Variants in GALNT17 observed in about 807,000 individuals in gnomAD.
GALNT17 encodes the protein polypeptide N-acetylgalactosaminyltransferase 17, also known as UDP-GalNAc:polypeptide N-acetylgalactosaminyltransferase-like 3.
GALNT17 carries 29 observed loss-of-function variants against 63.7 expected under a neutral mutation model. The ratio of observed to expected loss-of-function variants is 0.46; its 90% CI spans 0.34 to 0.62. The LOEUF (loss-of-function observed/expected upper bound fraction) is 0.62, where lower values mean the gene tolerates loss of function less well. Ranked by LOEUF, GALNT17 falls within the 20% of genes least tolerant of loss-of-function variation. The probability of loss-of-function intolerance (pLI) is 0.01; values close to 1 mark genes in which losing one functional copy is unlikely to be tolerated. For synonymous variants in GALNT17, 305 were observed against 318.3 expected (o/e 0.96, Z 0.45); for missense variants, 603 against 799.6 (o/e 0.75, Z 2.97).
At chr7:71,413,629 C>A (rs1041707425) in intron 3 of GALNT17, among the ~76,000 whole-genome samples, 1 of 151,964 alleles carries the variant, frequency 6.6e-6, no homozygotes, top group Non-Finnish European at 1.5e-5. Flanking sequence ...CTGCCTTGGC[C>A]TCCCAAAGTG....
At chr7:71,272,443 G>A (rs1790610775) in intron 1 of GALNT17, among the ~76,000 whole-genome samples, 1 of 152,186 alleles carries the variant, frequency 6.6e-6, no homozygotes, top group African/African-American at 2.4e-5. Context: ...CATTCTCACA[G>A]CTATGTATCA....
chr7:71,235,926 T>C (rs1289164767), intron 1 of GALNT17, among the ~76,000 whole-genome samples: 7 of 152,198 alleles, frequency 4.6e-5, no homozygotes, highest in South Asian at 2.1e-4. Flanking sequence ...ACGCCTTTAA[T>C]CCCAGCACTT....
At position 71,300,005 on chromosome 7, in the gene GALNT17, T is replaced by A. The variant is rs560767823; in HGVS notation, c.239-35545T>A. 8.5e-5 allele frequency among the ~76,000 whole-genome samples: 13 copies of A among 152,238 alleles called. No homozygotes were observed. The East Asian group carries it at 1.6e-3, about 18-fold the overall frequency. ...GTTGGCCAGGCTGGTCTCGAAATCC[T>A]GACCTCAGGTGATCCACCCACCTTG... is the stretch of plus-strand genomic sequence containing the variant. On this transcript the variant is annotated intron_variant, in intron 1 of 10. Transcript: ENST00000333538.
intron 5 of GALNT17, among the ~76,000 whole-genome samples, chr7:71,526,782 G>A (rs918375447): frequency 6.6e-6 from 1 of 152,118 alleles, no homozygotes; most frequent in African/African-American, 2.4e-5. Context: ...CTGAAGTGTT[G>A]TGATTACAGA....
At chr7:71,637,970 G>T (rs904021636) in intron 6 of GALNT17, among the ~76,000 whole-genome samples, 2 of 152,198 alleles carry the variant, frequency 1.3e-5, no homozygotes, top group Non-Finnish European at 2.9e-5. Flanking sequence ...AAGGCTGCTG[G>T]TTGCCCATGT....
intron 1 of GALNT17, among the ~76,000 whole-genome samples, chr7:71,324,759 G>A (rs983045192): frequency 1.3e-5 from 2 of 151,532 alleles, no homozygotes; most frequent in African/African-American, 4.8e-5. Context: ...ATGCGTGCGT[G>A]TATATATATA....
At chr7:71,285,003 T>C (rs1380323833) in intron 1 of GALNT17, among the ~76,000 whole-genome samples, 1 of 152,130 alleles carries the variant, frequency 6.6e-6, no homozygotes, top group Non-Finnish European at 1.5e-5. Context: ...TTTGGCTCCT[T>C]CTTTAAGAAA....
rs149657905 is a variant in GALNT17, at chr7:71,525,191, C to G, written c.963-46094C>G. 7.6e-3 allele frequency among the ~76,000 whole-genome samples: 1,156 copies of G among 151,894 alleles called. 39 individuals carry two copies. The highest frequency in any genetic ancestry group is 0.059 in the Admixed American group (901 of 15,212). On this transcript the variant is annotated intron_variant, in intron 5 of 10. Transcript: ENST00000333538. ...GTGTGTTTTGTTTGTTTGTTTGTTT[C>G]GAGATGGAGTCTCGTTTTGTCTCCC...
At chr7:71,498,383 AGGAGAATCACTTGAGCCTGGT>A (rs1301032645) in intron 5 of GALNT17, among the ~76,000 whole-genome samples, 1 of 152,076 alleles carries the variant, frequency 6.6e-6, no homozygotes, top group Non-Finnish European at 1.5e-5. Context: ...AGGCTGAGGT[AGGAGAATCACTTGAGCCTGGT>A]GGAGGTTGCA....
chr7:71,455,431 T>G (rs1050035938), intron 5 of GALNT17, among the ~76,000 whole-genome samples: 3 of 152,072 alleles, frequency 2.0e-5, no homozygotes, highest in African/African-American at 7.2e-5. Context: ...GTCCAGTCAG[T>G]CAGTTGAGGG....
chr7:71,421,013 C>G lies in GALNT17; in HGVS notation c.870C>G (p.Asn290Lys). The G allele has an allele frequency of 6.2e-7, 1 of 1,614,186 alleles. No homozygotes were observed. Among genetic ancestry groups the G allele is most frequent in the Non-Finnish European group, 8.5e-7 (1 of 1,180,038 alleles). ...ACTTTGAGGTGCAGCGGTACGAGAA[C>G]TCGGCCCACGGGTACAGCTGGGAGC... Reference protein sequence around the residue: ...QDNFEVQRYENSAHGYSWELW... With the variant: ...QDNFEVQRYEKSAHGYSWELW... Residue 290 changes from asparagine (N) to lysine (K), a missense_variant, in exon 5 of 11, where the codon AAC becomes AAG. Physicochemically the swap from Asn to Lys is moderately conservative, Grantham distance 94. Coordinates refer to ENST00000333538, the MANE Select transcript of GALNT17 (RefSeq NM_022479.3).
intron 6 of GALNT17, among the ~76,000 whole-genome samples, chr7:71,628,650 G>A (rs774090569): frequency 5.3e-5 from 8 of 152,152 alleles, no homozygotes; most frequent in Non-Finnish European, 1.2e-4. Flanking sequence ...TTCAGAATTG[G>A]CCAGGTGCGG....
chr7:71,691,577 T>G (rs1791443554), intron 9 of GALNT17, among the ~76,000 whole-genome samples: 1 of 152,244 alleles, frequency 6.6e-6, no homozygotes, highest in Admixed American at 6.5e-5. Context: ...TGATGAGCTA[T>G]TCTTTCCAGG....
At chr7:71,180,908 G>T (rs564908089) in intron 1 of GALNT17, among the ~76,000 whole-genome samples, 1 of 152,286 alleles carries the variant, frequency 6.6e-6, no homozygotes, top group East Asian at 1.9e-4. Flanking sequence ...GATGAACACG[G>T]TCATTGTGGA....
At chr7:71,170,784 A>T (rs1036829350) in intron 1 of GALNT17, among the ~76,000 whole-genome samples, 2 of 152,192 alleles carry the variant, frequency 1.3e-5, no homozygotes, top group Non-Finnish European at 1.5e-5. Flanking sequence ...TTCAAGGTGT[A>T]TTATACATTT....
At chr7:71,676,491 C>T (rs931085683) in intron 8 of GALNT17, among the ~76,000 whole-genome samples, 2 of 151,958 alleles carry the variant, frequency 1.3e-5, no homozygotes, top group Non-Finnish European at 2.9e-5. Flanking sequence ...TCAAGCGATC[C>T]TCCCGTCTCA....
At chr7:71,685,553 G>A (rs955412471) in intron 9 of GALNT17, 8 of 152,150 alleles carry the variant, frequency 5.3e-5, no homozygotes, top group Admixed American at 2.0e-4. Context: ...GCAGATACTC[G>A]TATACCCTTG....
intron 6 of GALNT17, among the ~76,000 whole-genome samples, chr7:71,597,164 A>G (rs1356077491): frequency 1.3e-5 from 2 of 151,930 alleles, no homozygotes; most frequent in African/African-American, 4.8e-5. Context: ...CAGCCTCCCA[A>G]GTAGCTGGGA....
chr7:71,563,181 T>C (rs1450690228), intron 5 of GALNT17, among the ~76,000 whole-genome samples: 1 of 152,236 alleles, frequency 6.6e-6, no homozygotes, highest in African/African-American at 2.4e-5. Context: ...ATGATTATCA[T>C]TTTTGAATGA....
Sources: gnomAD v4.1 joint callset for allele counts (sites outside exome capture counted in the v4.1 genomes callset) on GRCh38, gnomAD v4.1.1 for gene constraint, MANE v1.5 for transcripts, NCBI Gene and HGNC (gene_info 2026-07-23, HGNC 2026-07-21) for gene names.